VPS50: variants seen among roughly 807,000 people sequenced by gnomAD.
VPS50 encodes the protein VPS50 subunit of EARP/GARPII complex, also known as syndetin.
In VPS50, 70 loss-of-function variants were observed where a neutral mutation model predicts 139.7. That is an observed-to-expected ratio of 0.50 (90% confidence interval 0.41 to 0.61). The LOEUF (loss-of-function observed/expected upper bound fraction) is 0.61. Among genes scored for constraint, VPS50 ranks in the 20% least tolerant of loss-of-function variants. The probability of loss-of-function intolerance (pLI) is 0.00; values close to 1 mark genes in which losing one functional copy is unlikely to be tolerated. For synonymous variants in VPS50, 365 were observed against 376.7 expected (o/e 0.97, Z 0.36); for missense variants, 921 against 1,133.7 (o/e 0.81, Z 2.69).
rs1798796153 is a variant in VPS50 at position 93,359,735 on chromosome 7, G to C, written c.*1299G>C. 1 of 152,140 alleles carries C rather than the reference G, an allele frequency of 6.6e-6. No individual in the cohort carries two copies. The highest frequency in any genetic ancestry group is 1.5e-5 in the Non-Finnish European group (1 of 68,032). 9.4% of individuals were successfully genotyped at this position (152,140 alleles called of 1,614,324 possible). On this transcript the variant is annotated 3_prime_UTR_variant, in exon 28 of 28. Transcript: ENST00000305866. ...GGGACCTAAGGTGATAAAATGGATGGCACAGAATGGCATGTGATCAAGCAT... is the reference window on the plus strand; with the variant it reads ...GGGACCTAAGGTGATAAAATGGATGCCACAGAATGGCATGTGATCAAGCAT...
chr7:93,308,950 T>G lies in VPS50; in HGVS notation c.1748+8T>G, dbSNP rs771681317. 6 of 1,396,306 alleles carry G rather than the reference T, an allele frequency of 4.3e-6. No homozygotes were observed. In the Admixed American group the frequency reaches 1.0e-4, roughly 24 times the overall value. The allele number at this position is 1,396,306 out of a possible 1,614,324, so 86.5% of individuals were successfully genotyped here. A position where few individuals can be genotyped will look rare whatever the true frequency, so the allele number is the denominator to read the frequency against. On this transcript the variant is annotated splice_region_variant and intron_variant, in intron 19 of 27. Transcript: ENST00000305866. Reference sequence around the variant, plus strand: ...AGATGGTCCTGTGAAAAGGTGATTGTTCTTAAATTGTGTGGTATTTAGCAT... The same window carrying G: ...AGATGGTCCTGTGAAAAGGTGATTGGTCTTAAATTGTGTGGTATTTAGCAT...
chr7:93,284,341 A>G (rs372240745), intron 12 of VPS50, among the ~76,000 whole-genome samples: 2 of 152,158 alleles, frequency 1.3e-5, no homozygotes, highest in South Asian at 2.1e-4. Context: ...ATAACTTGAA[A>G]CTTTGAAAGA....
intron 1 of VPS50, 35 bp downstream of exon 1, chr7:93,232,535 A>T: frequency 6.3e-7 from 1 of 1,593,980 alleles, no homozygotes; most frequent in Non-Finnish European, 8.6e-7. Flanking sequence ...GGCTTCCTTC[A>T]TCTCGGAAGT....
At chr7:93,283,496 A>T (rs1242175719) in intron 12 of VPS50, among the ~76,000 whole-genome samples, 1 of 152,066 alleles carries the variant, frequency 6.6e-6, no homozygotes, top group East Asian at 1.9e-4. Flanking sequence ...TTGGCTTCCC[A>T]AAGTGCTGGG....
chr7:93,326,348 A>G (rs1797774538), intron 21 of VPS50, among the ~76,000 whole-genome samples: 1 of 148,510 alleles, frequency 6.7e-6, no homozygotes, highest in Non-Finnish European at 1.5e-5. Context: ...CCTAATGCTA[A>G]ATGACGAGTT....
At chr7:93,239,038 G>A (rs114594300) in intron 1 of VPS50, among the ~76,000 whole-genome samples, 192 of 152,202 alleles carry the variant, frequency 1.3e-3, no homozygotes, top group African/African-American at 4.5e-3. Context: ...GTCTCAAATA[G>A]TCAACATAAG....
chr7:93,250,588 A>T (rs1795292541), intron 2 of VPS50, among the ~76,000 whole-genome samples: 1 of 152,112 alleles, frequency 6.6e-6, no homozygotes, highest in African/African-American at 2.4e-5. Context: ...AACTATAAAA[A>T]CCCTAGAAGA....
At chr7:93,246,088 T>C in intron 2 of VPS50, 1 of 1,514,756 alleles carries the variant, frequency 6.6e-7, no homozygotes, top group Non-Finnish European at 8.8e-7. Flanking sequence ...GCTTCTTTTT[T>C]TTTTTGCTTT....
intron 22 of VPS50, 45 bp downstream of exon 22, chr7:93,334,242 G>A: frequency 9.5e-7 from 1 of 1,052,270 alleles, no homozygotes; most frequent in South Asian, 1.3e-5. Flanking sequence ...ATATAAAATG[G>A]AAATTAGCTA....
At chr7:93,283,584 T>G (rs1017871246) in intron 12 of VPS50, among the ~76,000 whole-genome samples, 2 of 152,204 alleles carry the variant, frequency 1.3e-5, no homozygotes, top group East Asian at 3.8e-4. Context: ...CAGTCATCAG[T>G]TCAGATCAGC....
chr7:93,259,479 G>A, intron 8 of VPS50, 71 bp from the exon 9 acceptor site: 1 of 780,158 alleles, frequency 1.3e-6, no homozygotes. Context: ...TATGAACAGA[G>A]ATTTTTTTTT....
chr7:93,321,367 C>T (rs1000020324), intron 20 of VPS50, among the ~76,000 whole-genome samples: 3 of 152,146 alleles, frequency 2.0e-5, no homozygotes, highest in African/African-American at 7.2e-5. Flanking sequence ...TCTGAGGAGG[C>T]ATATAAGCCT....
In VPS50 at chr7:93,257,425, G is replaced by A. The variant is rs1453214598; in HGVS notation, c.383G>A (p.Gly128Asp). Residue 128 changes from glycine (G) to aspartate (D), a missense_variant, in exon 6 of 28, where the codon GGT becomes GAT. Around this residue, in one of 3 missense-constraint regions of VPS50, gnomAD observed 744 missense variants for 930.6 expected, o/e 0.80. Coordinates refer to ENST00000305866, the MANE Select transcript of VPS50 (RefSeq NM_017667.4). ...GAAAGAGTTACCTCATTGCAGACAG[G>A]TCTTCAATTAGCTGCTGTTATCTGT... ...ELERVTSLQTGLQLAAVICTN... is the reference protein window; with the variant it reads ...ELERVTSLQTDLQLAAVICTN... The A allele has an allele frequency of 6.2e-7, 1 of 1,605,670 alleles. No individual in the cohort carries two copies. Among genetic ancestry groups the A allele is most frequent in the African/African-American group, 1.3e-5 (1 of 74,630 alleles).
At chr7:93,330,391 T>C (rs991060947) in intron 21 of VPS50, among the ~76,000 whole-genome samples, 5 of 152,062 alleles carry the variant, frequency 3.3e-5, no homozygotes, top group African/African-American at 1.2e-4. Flanking sequence ...GACTAAACTC[T>C]CAAATGGCAG....
At chr7:93,278,998 T>C (rs1300104195) in intron 12 of VPS50, among the ~76,000 whole-genome samples, 1 of 152,184 alleles carries the variant, frequency 6.6e-6, no homozygotes, top group African/African-American at 2.4e-5. Context: ...TTGGTGAGAA[T>C]AATAGCAAAT....
At chr7:93,332,541 T>G (rs1472983964) in intron 21 of VPS50, among the ~76,000 whole-genome samples, 1 of 152,232 alleles carries the variant, frequency 6.6e-6, no homozygotes, top group Non-Finnish European at 1.5e-5. Flanking sequence ...ACAGCTACTT[T>G]AGAAAACAAC....
intron 21 of VPS50, among the ~76,000 whole-genome samples, chr7:93,332,369 C>T (rs1370280120): frequency 6.6e-6 from 1 of 152,194 alleles, no homozygotes; most frequent in Non-Finnish European, 1.5e-5. Flanking sequence ...ACCCTCATGA[C>T]CTCAGCTAAA....
At chr7:93,276,139 TG>T (rs1796145944) in intron 11 of VPS50, 25 bp from the exon 12 acceptor site, 2 of 1,533,006 alleles carry the variant, frequency 1.3e-6, no homozygotes, top group Non-Finnish European at 1.8e-6. Context: ...TGTGAAATTA[TG>T]TTGTGCGTTT....
At position 93,308,921 on chromosome 7, in the gene VPS50, C is replaced by T. The variant is rs1231804679; in HGVS notation, c.1727C>T (p.Thr576Ile). Residue 576 changes from threonine (T) to isoleucine (I), a missense_variant, in exon 19 of 28, where the codon ACA (threonine) becomes ATA (isoleucine). Coordinates refer to ENST00000305866, the MANE Select transcript of VPS50 (RefSeq NM_017667.4). ...ELKRDYVDEQ[T>I]GDGPVKSVSR... ...AAACGAGACTATGTGGATGAGCAGA[C>T]AGGAGATGGTCCTGTGAAAAGGTGA... The T allele has an allele frequency of 1.9e-6, 3 of 1,580,468 alleles. No homozygotes were observed. The highest frequency in any genetic ancestry group is 1.3e-5 in the African/African-American group (1 of 74,152).
Sources: gnomAD v4.1 joint callset for allele counts (sites outside exome capture counted in the v4.1 genomes callset) on GRCh38, gnomAD v4.1.1 for gene constraint, gnomAD v4.1.1 regional missense constraint, MANE v1.5 for transcripts, NCBI Gene and HGNC (gene_info 2026-07-23, HGNC 2026-07-21) for gene names.